The following A2M variants were observed in gnomAD, a reference collection of about 807,000 sequenced individuals.
A2M encodes the protein C3 and PZP-like alpha-2-macroglobulin domain-containing protein 5.
In A2M, 128 loss-of-function variants were observed where a neutral mutation model predicts 183.9. That is an observed-to-expected ratio of 0.70 (90% CI 0.60 to 0.81). The LOEUF (loss-of-function observed/expected upper bound fraction) is 0.81, where lower values mean the gene tolerates loss of function less well. A2M is among the 30% of genes least tolerant of loss of function. The pLI is 0.00. For missense variants in A2M, 1,495 were observed against 1,787.6 expected (o/e 0.84, Z 2.95); for synonymous variants, 592 against 670.8 (o/e 0.88, Z 1.81).
chr12:9,095,484 T>C, intron 16 of A2M, 55 bp downstream of exon 16: 2 of 1,513,998 alleles, frequency 1.3e-6, no homozygotes, highest in Non-Finnish European at 1.8e-6. Context: ...CTCTTTTCCA[T>C]GTGTAATATT....
Position 9,067,895 on chromosome 12 carries a change from A to T in A2M, c.4409-56T>A. 3.3e-6 allele frequency: 5 copies of T among 1,537,870 alleles called. No individual in the cohort carries two copies. In the South Asian group the frequency reaches 5.8e-5, roughly 18 times the overall value. On this transcript the variant is annotated intron_variant, in intron 35 of 35. Coordinates refer to ENST00000318602, the MANE Select transcript of A2M (RefSeq NM_000014.6). Reference sequence around the variant, plus strand: ...CAGATTTGGGTCTCCATGAGCAGAGAGTATTCTTTCCCTTAGTTCTGGGTA... The same window carrying T: ...CAGATTTGGGTCTCCATGAGCAGAGTGTATTCTTTCCCTTAGTTCTGGGTA...
intron 33 of A2M, 55 bp downstream of exon 33, chr12:9,069,690 C>T (rs1805664): frequency 0.32 from 444,763 of 1,390,706 alleles, 75,549 homozygotes; most frequent in Admixed American, 0.36. Context: ...CCCAGATGTT[C>T]CCTTAGAGGA....
Position 9,113,526 on chromosome 12 carries a change from A to T in A2M, c.104T>A (p.Val35Asp), listed in dbSNP as rs1248042530. Residue 35 changes from valine to aspartate, a missense_variant, in exon 2 of 36, where the codon GTC becomes GAC. Coordinates refer to ENST00000318602, the MANE Select transcript of A2M (RefSeq NM_000014.6). ...VSGKPQYMVLVPSLLHTETTE... is the reference protein window; with the variant it reads ...VSGKPQYMVLDPSLLHTETTE... ...GGTCTCAGTGTGGAGCAGGGAGGGG[A>T]CCAGAACCATATACTGCCTGGGAAT... 6.2e-7 allele frequency: 1 copy of T among 1,613,706 alleles called. No homozygotes were observed. The highest frequency in any genetic ancestry group is 8.5e-7 in the Non-Finnish European group (1 of 1,179,898).
Position 9,101,477 on chromosome 12 carries a change from C to T in A2M, c.1464G>A (p.Leu488=), listed in dbSNP as rs1251335079. The change falls in exon 12 of 36, where the codon CTG becomes CTA. Residue 488 remains leucine (L), a synonymous_variant. Coordinates refer to ENST00000318602, the MANE Select transcript of A2M (RefSeq NM_000014.6). ...AHYILNGGTL[L]GLKKLSFYYL... ...AATAGAAGGAGAGCTTCTTCAGCCC[C>T]AGCAGGGTGCCTCCATTCAGAATAT... The T allele has an allele frequency of 6.2e-7, 1 of 1,613,894 alleles. No homozygotes were observed. Among genetic ancestry groups the T allele is most frequent in the Non-Finnish European group, 8.5e-7 (1 of 1,179,848 alleles).
At chr12:9,113,307 C>G in intron 2 of A2M, 53 bp downstream of exon 2, 1 of 1,587,672 alleles carries the variant, frequency 6.3e-7, no homozygotes, top group African/African-American at 1.3e-5. Flanking sequence ...TACTAGATCC[C>G]TATGACCCTG....
At chr12:9,111,630 G>C (rs550019576) in intron 4 of A2M, 225 of 421,082 alleles carry the variant, frequency 5.3e-4, no homozygotes, top group Non-Finnish European at 9.1e-4. Context: ...GAGAAGAGTT[G>C]CCTCTTTTTG....
intron 1 of A2M, chr12:9,115,521 T>C: frequency 2.5e-6 from 1 of 394,088 alleles, no homozygotes; most frequent in Non-Finnish European, 4.7e-6. Flanking sequence ...TTTATTCTTT[T>C]AAAAAGCTAA....
chr12:9,106,169 A>T (rs932403441), intron 10 of A2M, 67 bp downstream of exon 10: 2 of 942,906 alleles, frequency 2.1e-6, no homozygotes, highest in African/African-American at 3.3e-5. Flanking sequence ...TTTTAGCACA[A>T]ACCATAACTA....
In A2M at chr12:9,095,658, C is replaced by T; in HGVS notation, c.1894G>A (p.Gly632Arg). The stretch of plus-strand genomic sequence containing the variant: ...TCATTGTCCTGGTCATTCAAAGGCC[C>T]AGGGAAGCCAGTGAGGTCCTTTTCT... ...LPEKDLTGFPGPLNDQDNEDC... is the reference protein window; with the variant it reads ...LPEKDLTGFPRPLNDQDNEDC... The change falls in exon 16 of 36, where the codon GGG (glycine) becomes AGG (arginine). Residue 632 changes from glycine (G) to arginine (R), a missense_variant. Physicochemically the swap from Gly to Arg is moderately radical, Grantham distance 125. Coordinates refer to ENST00000318602, the MANE Select transcript of A2M (RefSeq NM_000014.6). 6.2e-7 allele frequency: 1 copy of T among 1,612,728 alleles called. No homozygotes were observed.
At chr12:9,082,864 G>C (rs113833818) in intron 22 of A2M, among the ~76,000 whole-genome samples, 2,433 of 152,302 alleles carry the variant, frequency 0.016, 69 homozygotes, top group African/African-American at 0.056. Flanking sequence ...ATTGTGAATA[G>C]TGCCACAATA....
intron 13 of A2M, among the ~76,000 whole-genome samples, chr12:9,099,737 C>T (rs960366977): frequency 2.6e-5 from 4 of 152,184 alleles, no homozygotes; most frequent in Admixed American, 2.0e-4. Flanking sequence ...GCTCACCCAC[C>T]TAATGTTCTG....
intron 17 of A2M, 103 bp downstream of exon 17, chr12:9,094,870 C>T: frequency 3.6e-6 from 2 of 550,406 alleles, no homozygotes; most frequent in Non-Finnish European, 5.9e-6. Context: ...GTATGACTCA[C>T]ATGTCCTTTT....
rs746473160 is a variant in A2M, at chr12:9,101,480, C to A, written c.1461G>T (p.Leu487=). 41 of 1,613,784 alleles carry A rather than the reference C, an allele frequency of 2.5e-5. No individual in the cohort carries two copies. The highest frequency in any genetic ancestry group is 3.3e-5 in the Non-Finnish European group (39 of 1,179,866). Residue 487 remains leucine, a synonymous_variant, in exon 12 of 36, where the codon CTG becomes CTT. Transcript: ENST00000318602. ...QAHYILNGGT[L]LGLKKLSFYY... ...AGAAGGAGAGCTTCTTCAGCCCCAG[C>A]AGGGTGCCTCCATTCAGAATATAAT...
intron 15 of A2M, chr12:9,098,389 T>C (rs1949448258): frequency 3.7e-6 from 1 of 271,616 alleles, no homozygotes; most frequent in Non-Finnish European, 6.4e-6. Context: ...TGATTCAATA[T>C]ATTGTATTTT....
At chr12:9,098,875 G>A in intron 14 of A2M, 119 bp from the exon 15 acceptor site, 1 of 1,147,836 alleles carries the variant, frequency 8.7e-7, no homozygotes, top group East Asian at 2.7e-5. Flanking sequence ...ACTTCGTGGA[G>A]GGTTGGCATT....
intron 25 of A2M, among the ~76,000 whole-genome samples, 167 bp downstream of exon 25, chr12:9,079,077 T>C (rs1216124707): frequency 1.3e-5 from 2 of 152,034 alleles, no homozygotes; most frequent in Non-Finnish European, 2.9e-5. Flanking sequence ...TATTTGGATA[T>C]CAGGTTTTCT....
intron 11 of A2M, among the ~76,000 whole-genome samples, chr12:9,102,151 GT>G (rs769607612): frequency 3.3e-5 from 5 of 152,302 alleles, no homozygotes; most frequent in Admixed American, 2.6e-4. Flanking sequence ...GAAAGCATTG[GT>G]TTAAGAGCTG....
chr12:9,092,426 G>A (rs1424105179), intron 18 of A2M, among the ~76,000 whole-genome samples: 1 of 151,712 alleles, frequency 6.6e-6, no homozygotes, highest in Non-Finnish European at 1.5e-5. Flanking sequence ...ACCACCCCTT[G>A]GCTCAATACA....
In A2M at chr12:9,072,862, C is replaced by T. The variant is rs766389389; in HGVS notation, c.3766G>A (p.Val1256Met). The change falls in exon 30 of 36, where the codon GTG becomes ATG. Residue 1256 changes from valine (V) to methionine (M), a missense_variant. Transcript: ENST00000318602. ...TATTTGGACAGAGCATGGAGAGCCA[C>T]CACTGTGTCCTGTTAGAGACAGATG... The part of the protein sequence containing the change: ...GGFSSTQDTV[V>M]ALHALSKYGA... 1.2e-6 allele frequency: 2 copies of T among 1,613,688 alleles called. No homozygotes were observed. Among genetic ancestry groups the T allele is most frequent in the South Asian group, 1.1e-5 (1 of 91,042 alleles).
Sources: allele counts gnomAD v4.1 joint callset (sites outside exome capture counted in the v4.1 genomes callset), GRCh38; gene constraint gnomAD v4.1.1; transcripts MANE v1.5; gene names NCBI Gene and HGNC (gene_info 2026-07-23, HGNC 2026-07-21).